The following CACNA2D1 variants were observed in gnomAD, a reference collection of about 807,000 sequenced individuals.
The protein encoded by CACNA2D1 is voltage-dependent calcium channel subunit alpha-2/delta-1.
Under a neutral mutation model 171.5 loss-of-function variants are expected in CACNA2D1, and 53 were observed. That is an observed-to-expected ratio of 0.31 (90% confidence interval 0.25 to 0.39). The LOEUF is 0.39. Among genes scored for constraint, CACNA2D1 ranks in the 10% least tolerant of loss-of-function variants. CACNA2D1 has a pLI of 1.00. For missense variants in CACNA2D1, 903 were observed against 1,299.8 expected, an observed-to-expected ratio of 0.69 and a Z score of 4.69; for synonymous variants, 442 against 443.1, an observed-to-expected ratio of 1.00 and a Z score of 0.03.
At chr7:82,224,311 G>C (rs1241513971) in intron 3 of CACNA2D1, among the ~76,000 whole-genome samples, 1 of 152,140 alleles carries the variant, frequency 6.6e-6, no homozygotes, top group African/African-American at 2.4e-5. Context: ...TATTTGGCCG[G>C]GCGCAGTGGC....
chr7:82,188,838 CA>C (rs1226164161), intron 3 of CACNA2D1, among the ~76,000 whole-genome samples: 1 of 151,912 alleles, frequency 6.6e-6, no homozygotes, highest in East Asian at 1.9e-4. Flanking sequence ...TACGCAGCTA[CA>C]AAAAAGAATG....
Position 81,994,946 on chromosome 7 carries a change from G to A in CACNA2D1, c.1663-7C>T. ...CAATCATCTTATTTCGAATCTAAGA[G>A]TAAATGAAACAACTACTTTATTCCA... On this transcript the variant is annotated splice_polypyrimidine_tract_variant and splice_region_variant and intron_variant, in intron 19 of 38. Coordinates refer to ENST00000356860, the MANE Select transcript of CACNA2D1 (RefSeq NM_000722.4). 1 of 1,434,994 alleles carries A rather than the reference G, an allele frequency of 7.0e-7. No homozygotes were observed. Among genetic ancestry groups the A allele is most frequent in the Non-Finnish European group, 9.8e-7 (1 of 1,017,000 alleles). The allele number at this position is 1,434,994 out of a possible 1,614,324, so 88.9% of individuals were successfully genotyped here.
intron 6 of CACNA2D1, among the ~76,000 whole-genome samples, chr7:82,110,020 A>AT (rs1052709120): frequency 3.9e-5 from 6 of 152,076 alleles, no homozygotes; most frequent in African/African-American, 1.4e-4. Context: ...GGAGGCTCAG[A>AT]TTTTTTTGTA....
chr7:82,040,905 G>A (rs1803881164), intron 10 of CACNA2D1, among the ~76,000 whole-genome samples: 1 of 152,138 alleles, frequency 6.6e-6, no homozygotes, highest in Admixed American at 6.5e-5. Flanking sequence ...AACCAGGGAG[G>A]CGGAGGTTGC....
intron 1 of CACNA2D1, among the ~76,000 whole-genome samples, chr7:82,376,964 A>C (rs1823083954): frequency 6.6e-6 from 1 of 152,242 alleles, no homozygotes; most frequent in South Asian, 2.1e-4. Context: ...AATTATATAC[A>C]CATGACACTG....
chr7:82,043,338 ATTG>A (rs1216431456), intron 10 of CACNA2D1, among the ~76,000 whole-genome samples: 2 of 152,196 alleles, frequency 1.3e-5, no homozygotes, highest in Non-Finnish European at 2.9e-5. Context: ...TGGCAACTCT[ATTG>A]TTTTAAAAAT....
intron 1 of CACNA2D1, among the ~76,000 whole-genome samples, chr7:82,370,062 C>G (rs912184726): frequency 6.6e-6 from 1 of 152,008 alleles, no homozygotes; most frequent in East Asian, 1.9e-4. Context: ...TTCACATTAT[C>G]TACCATAGAG....
At chr7:81,972,260 A>T (rs1385573294) in intron 25 of CACNA2D1, among the ~76,000 whole-genome samples, 1 of 151,284 alleles carries the variant, frequency 6.6e-6, no homozygotes, top group East Asian at 1.9e-4. Context: ...ATATGTATAT[A>T]AAATTTATAT....
intron 3 of CACNA2D1, among the ~76,000 whole-genome samples, chr7:82,200,887 C>T (rs991515218): frequency 6.6e-6 from 1 of 152,194 alleles, no homozygotes; most frequent in African/African-American, 2.4e-5. Context: ...GCTTTTGAGA[C>T]AAGCAATCTT....
intron 10 of CACNA2D1, among the ~76,000 whole-genome samples, chr7:82,056,416 G>A (rs1010310359): frequency 1.3e-5 from 2 of 152,248 alleles, no homozygotes; most frequent in East Asian, 3.9e-4. Context: ...ATGTGTGCTA[G>A]AGAACATTCG....
At chr7:82,437,141 T>C (rs7792856) in intron 1 of CACNA2D1, among the ~76,000 whole-genome samples, 99,569 of 151,918 alleles carry the variant, frequency 0.66, 33,679 homozygotes, top group African/African-American at 0.83. Flanking sequence ...GGTCTGATCA[T>C]GGGTAACTTA....
intron 3 of CACNA2D1, among the ~76,000 whole-genome samples, chr7:82,325,258 T>G (rs1258641877): frequency 6.6e-6 from 1 of 152,176 alleles, no homozygotes; most frequent in Non-Finnish European, 1.5e-5. Context: ...AGATTGGATT[T>G]CAAAAATCAG....
intron 38 of CACNA2D1, among the ~76,000 whole-genome samples, chr7:81,955,964 ATATATATATATATATATTTT>A (rs1793244163): frequency 2.7e-5 from 2 of 72,898 alleles, no homozygotes; most frequent in Non-Finnish European, 5.0e-5. Context: ...CTGTTGCTAT[ATATATATATATATATATTTT>A]TTTTTTTTTT....
chr7:82,094,254 A>G (rs1274536263), intron 6 of CACNA2D1, among the ~76,000 whole-genome samples: 2 of 152,008 alleles, frequency 1.3e-5, no homozygotes, highest in Non-Finnish European at 2.9e-5. Flanking sequence ...AAAAAAAACT[A>G]TATACATCTC....
intron 3 of CACNA2D1, among the ~76,000 whole-genome samples, chr7:82,278,742 G>A (rs1444381940): frequency 6.6e-6 from 1 of 152,068 alleles, no homozygotes; most frequent in Non-Finnish European, 1.5e-5. Context: ...CTACAAGATT[G>A]TAATTGAATC....
At chr7:82,397,564 A>T (rs546590623) in intron 1 of CACNA2D1, among the ~76,000 whole-genome samples, 32 of 152,354 alleles carry the variant, frequency 2.1e-4, no homozygotes, top group African/African-American at 7.7e-4. Context: ...TACACAAAAC[A>T]GTGAAGAAAT....
chr7:82,278,656 C>T (rs1809678882), intron 3 of CACNA2D1, among the ~76,000 whole-genome samples: 1 of 151,236 alleles, frequency 6.6e-6, no homozygotes, highest in Non-Finnish European at 1.5e-5. Flanking sequence ...GTTACCAAGT[C>T]TGTTATAAAA....
intron 3 of CACNA2D1, among the ~76,000 whole-genome samples, chr7:82,188,339 G>A (rs1034379446): frequency 6.6e-6 from 1 of 152,078 alleles, no homozygotes; most frequent in East Asian, 1.9e-4. Context: ...CAGGGAGACT[G>A]TAATATCTGG....
Position 82,248,184 on chromosome 7 carries a change from A to G in CACNA2D1, c.295-77575T>C, listed in dbSNP as rs149693210. Reference sequence around the variant, plus strand: ...CATAATAAAATGATAATAATAAAGTACTTCATGCATAAGGTTAATGATGCC... The same window carrying G: ...CATAATAAAATGATAATAATAAAGTGCTTCATGCATAAGGTTAATGATGCC... On this transcript the variant is annotated intron_variant, in intron 3 of 38. Coordinates refer to ENST00000356860, the MANE Select transcript of CACNA2D1 (RefSeq NM_000722.4). 5.3e-5 allele frequency among the ~76,000 whole-genome samples: 8 copies of G among 152,342 alleles called. No homozygotes were observed. The East Asian group carries it at 1.5e-3, about 29-fold the overall frequency.
Sources: allele counts gnomAD v4.1 joint callset (sites outside exome capture counted in the v4.1 genomes callset), GRCh38; gene constraint gnomAD v4.1.1; transcripts MANE v1.5; gene names NCBI Gene and HGNC (gene_info 2026-07-23, HGNC 2026-07-21).